Variants in AGAP1 observed in about 807,000 individuals in gnomAD.
AGAP1 encodes ArfGAP with GTPase domain, ankyrin repeat and PH domain 1.
AGAP1 carries 29 observed loss-of-function variants against 105.3 expected under a neutral mutation model. The observed-to-expected ratio is 0.28, with a 90% CI of 0.21 to 0.38. The LOEUF is 0.38. AGAP1 is among the 10% of genes least tolerant of loss of function. AGAP1 has a pLI of 1.00. For missense variants in AGAP1, 998 were observed against 1,165.1 expected (o/e 0.86, Z 2.09); for synonymous variants, 509 against 485.9 (o/e 1.05, Z -0.63).
At chr2:235,563,703 T>C (rs931807691) in intron 1 of AGAP1, among the ~76,000 whole-genome samples, 2 of 152,148 alleles carry the variant, frequency 1.3e-5, no homozygotes, top group Non-Finnish European at 2.9e-5. Flanking sequence ...TTGATTCTAA[T>C]GAACTTTGCT....
rs1298852036 is a variant in AGAP1 at position 235,744,829 on chromosome 2, G to T, written c.528G>T (p.Val176=). 9 of 1,613,892 alleles carry T rather than the reference G, an allele frequency of 5.6e-6. No homozygotes were observed. The highest frequency in any genetic ancestry group is 6.8e-6 in the Non-Finnish European group (8 of 1,180,012). The stretch of plus-strand genomic sequence containing the variant: ...CGAGCGAGATTCCTCTGGTTCTGGT[G>T]GGAACCCAGGGTGAGTGATGTTCGT... ...RNTSEIPLVL[V]GTQDAISSAN... is the part of the protein sequence containing the mutation. Residue 176 remains valine, a synonymous_variant, in exon 5 of 18, where the codon GTG becomes GTT. Transcript: ENST00000304032. The surrounding 1 kb of genome is among the most constrained non-coding windows in gnomAD (Gnocchi z 5.2).
rs544354345 is a variant in AGAP1, at chr2:235,917,563, C to G, written c.1324+8657C>G. On this transcript the variant is annotated intron_variant, in intron 11 of 17. Coordinates refer to ENST00000304032, the MANE Select transcript of AGAP1 (RefSeq NM_001037131.3). ...GCATTTAAGAGGGAGCGCTCTCCGC[C>G]GTGACAGGGACCGGGGTAATAAGGA... Among the ~76,000 whole-genome samples, 7 of 152,134 alleles carry G rather than the reference C, an allele frequency of 4.6e-5. No homozygotes were observed. The South Asian group carries it at 8.3e-4, about 18-fold the overall frequency.
At position 236,061,916 on chromosome 2, in the gene AGAP1, G is replaced by A. The variant is rs1223702685; in HGVS notation, c.2114+12635G>A. On this transcript the variant is annotated intron_variant, in intron 16 of 17. Transcript: ENST00000304032. This position sits in a 1 kb window ranked among gnomAD's most constrained non-coding sequence, Gnocchi z 4.1. ...AAAAAGGAATTTCCAAAGGAAAACA[G>A]ATGAGCCAGGGCGTTCCACAAAGAG... Among the ~76,000 whole-genome samples the A allele has an allele frequency of 6.6e-6, 1 of 151,630 alleles. No homozygotes were observed. The highest frequency in any genetic ancestry group is 1.5e-5 in the Non-Finnish European group (1 of 67,960).
chr2:235,862,030 G>A (rs1432469422), intron 9 of AGAP1, among the ~76,000 whole-genome samples: 1 of 152,098 alleles, frequency 6.6e-6, no homozygotes, highest in East Asian at 1.9e-4. Context: ...AAAACCAGGA[G>A]TGCCTCCTTC....
At position 235,714,900 on chromosome 2, in the gene AGAP1, C is replaced by T. The variant is rs907659993; in HGVS notation, c.223-2657C>T. Among the ~76,000 whole-genome samples the T allele has an allele frequency of 2.6e-5, 4 of 152,034 alleles. No homozygotes were observed. The highest frequency in any genetic ancestry group is 2.1e-4 in the South Asian group (1 of 4,810). ...GCAACCTCCGCCTCCTGGGTTCAGG[C>T]GATTCTCCTGCCTTAGCCTCCTGAG... On this transcript the variant is annotated intron_variant, in intron 2 of 17. Transcript: ENST00000304032. The surrounding 1 kb of genome is among the most constrained non-coding windows in gnomAD (Gnocchi z 4.1).
intron 1 of AGAP1, among the ~76,000 whole-genome samples, chr2:235,704,688 G>A (rs952317813): frequency 6.6e-6 from 1 of 152,196 alleles, no homozygotes; most frequent in Non-Finnish European, 1.5e-5. Flanking sequence ...CCAGAGTCCC[G>A]GCTGATGCTC....
rs1398240872 is a variant in AGAP1, at chr2:235,852,667, A to T, written c.1051-30678A>T. On this transcript the variant is annotated intron_variant, in intron 9 of 17. Transcript: ENST00000304032. The stretch of plus-strand genomic sequence containing the variant: ...AAAGCAGTTGTGAAGAATTTTTTTT[A>T]TCTCCTTTCTCTCCCCAGGGCCTGC... The T allele has an allele frequency of 2.8e-6, 4 of 1,434,376 alleles. No individual in the cohort carries two copies. The Admixed American group carries it at 9.0e-5, about 32-fold the overall frequency. The allele number at this position is 1,434,376 out of a possible 1,614,324, so 88.9% of individuals were successfully genotyped here.
Position 235,655,953 on chromosome 2 carries a change from G to A in AGAP1, c.164-53226G>A, listed in dbSNP as rs147409804. Among the ~76,000 whole-genome samples, 94 of 152,276 alleles carry A rather than the reference G, an allele frequency of 6.2e-4. No homozygotes were observed. Among genetic ancestry groups the A allele is most frequent in the African/African-American group, 2.1e-3 (86 of 41,544 alleles). On this transcript the variant is annotated intron_variant, in intron 1 of 17. Coordinates refer to ENST00000304032, the MANE Select transcript of AGAP1 (RefSeq NM_001037131.3). This position sits in a 1 kb window ranked among gnomAD's most constrained non-coding sequence, Gnocchi z 4.3. ...GTGGCAAGGCAGTTGTTGGAGCTCC[G>A]ATACTTCCAATAAGTAACTAGCAGG...
chr2:236,049,333 C>A, intron 16 of AGAP1, 52 bp downstream of exon 16: 1 of 1,533,022 alleles, frequency 6.5e-7, no homozygotes, highest in Non-Finnish European at 9.0e-7. Flanking sequence ...AACAGTTAGG[C>A]AACTGGAAGT....
intron 1 of AGAP1, among the ~76,000 whole-genome samples, chr2:235,688,821 C>T (rs183867248): frequency 9.0e-4 from 137 of 152,242 alleles, no homozygotes; most frequent in African/African-American, 3.0e-3. Flanking sequence ...GGCCTGGGTC[C>T]CCTCATCCCG....
intron 1 of AGAP1, among the ~76,000 whole-genome samples, chr2:235,675,166 G>T (rs1948659323): frequency 7.1e-6 from 1 of 141,576 alleles, no homozygotes. Flanking sequence ...GACACTTTTT[G>T]TTGGTTGGTT....
Position 236,036,433 on chromosome 2 carries a change from C to T in AGAP1, c.1646-128C>T, listed in dbSNP as rs1480948593. 17 of 1,251,868 alleles carry T rather than the reference C, an allele frequency of 1.4e-5. No individual in the cohort carries two copies. The highest frequency in any genetic ancestry group is 4.3e-5 in the South Asian group (3 of 69,704). The allele number at this position is 1,251,868 out of a possible 1,614,324, so 77.5% of individuals were successfully genotyped here. A position where few individuals can be genotyped will look rare whatever the true frequency, so the allele number is the denominator to read the frequency against. ...TCAAATCTCCGCCGCCGTGGTTGTC[C>T]AGTGCCGTGCGCCTCACCGGTCCAT... On this transcript the variant is annotated intron_variant, in intron 13 of 17. Coordinates refer to ENST00000304032, the MANE Select transcript of AGAP1 (RefSeq NM_001037131.3). This position sits in a 1 kb window ranked among gnomAD's most constrained non-coding sequence, Gnocchi z 5.7.
In AGAP1 at chr2:235,612,988, G is replaced by A. The variant is rs539427373; in HGVS notation, c.164-96191G>A. On this transcript the variant is annotated intron_variant, in intron 1 of 17. Transcript: ENST00000304032. The surrounding 1 kb of genome is among the most constrained non-coding windows in gnomAD (Gnocchi z 4.3). ...TTTCCCAGGTGAGGTTAGCAAATAC[G>A]TATAGATTGTAACAAGAGAATTTTG... Among the ~76,000 whole-genome samples the A allele has an allele frequency of 1.7e-4, 25 of 151,190 alleles. No homozygotes were observed. In the East Asian group the frequency reaches 2.9e-3, roughly 18 times the overall value.
chr2:235,727,754 G>T (rs775967383), intron 3 of AGAP1, among the ~76,000 whole-genome samples: 1 of 152,150 alleles, frequency 6.6e-6, no homozygotes, highest in Admixed American at 6.5e-5. Context: ...AGTCTCTCAG[G>T]AGGTACCCAT....
chr2:235,755,251 A>C (rs927407945), intron 6 of AGAP1, among the ~76,000 whole-genome samples: 5 of 152,238 alleles, frequency 3.3e-5, no homozygotes, highest in African/African-American at 1.2e-4. Flanking sequence ...TCTTCCTGCA[A>C]CTGGGAAATA....
At position 235,501,751 on chromosome 2, in the gene AGAP1, A is replaced by G. The variant is rs529382700; in HGVS notation, c.163+6902A>G. Among the ~76,000 whole-genome samples, 3 of 151,932 alleles carry G rather than the reference A, an allele frequency of 2.0e-5. No individual in the cohort carries two copies. The South Asian group carries it at 6.2e-4, about 32-fold the overall frequency. Reference sequence around the variant, plus strand: ...ATTTCGTTTCGTCTTATGTTTCTCTACACTCTAGCAAACCTGTGTCCCCCT... The same window carrying G: ...ATTTCGTTTCGTCTTATGTTTCTCTGCACTCTAGCAAACCTGTGTCCCCCT... On this transcript the variant is annotated intron_variant, in intron 1 of 17. Coordinates refer to ENST00000304032, the MANE Select transcript of AGAP1 (RefSeq NM_001037131.3).
At chr2:236,026,047 A>G (rs1001003597) in intron 13 of AGAP1, among the ~76,000 whole-genome samples, 3 of 152,234 alleles carry the variant, frequency 2.0e-5, no homozygotes, top group Admixed American at 6.5e-5. Context: ...GCTGGGCAGC[A>G]GCATTCATAC....
intron 1 of AGAP1, among the ~76,000 whole-genome samples, chr2:235,699,735 C>G (rs1950164133): frequency 1.3e-5 from 2 of 152,210 alleles, no homozygotes; most frequent in South Asian, 2.1e-4. Context: ...CTGACTGCGT[C>G]AGCAGTCCGG....
intron 9 of AGAP1, among the ~76,000 whole-genome samples, chr2:235,831,816 G>A (rs1446800749): frequency 1.3e-5 from 2 of 152,212 alleles, no homozygotes; most frequent in African/African-American, 2.4e-5. Context: ...CAGCTCATTT[G>A]TGTAAATACC....
Sources: gnomAD v4.1 joint callset for allele counts (sites outside exome capture counted in the v4.1 genomes callset) on GRCh38, gnomAD v4.1.1 for gene constraint, Gnocchi (gnomAD v3.1) non-coding constraint, MANE v1.5 for transcripts, NCBI Gene and HGNC (gene_info 2026-07-23, HGNC 2026-07-21) for gene names.